Variants in TCAIM observed in about 807,000 individuals in gnomAD.
TCAIM encodes T cell activation inhibitor, mitochondrial, also known as T-cell activation inhibitor, mitochondrial.
In TCAIM, 36 loss-of-function variants were observed where a neutral mutation model predicts 58.6. The observed-to-expected ratio is 0.61, with a 90% CI of 0.47 to 0.81. The LOEUF (loss-of-function observed/expected upper bound fraction) is 0.81, where lower values mean the gene tolerates loss of function less well. Ranked by LOEUF, TCAIM falls within the 30% of genes least tolerant of loss-of-function variation. The pLI is 0.00. For synonymous variants in TCAIM, 172 were observed against 193.6 expected, an observed-to-expected ratio of 0.89 and a Z score of 0.93; for missense variants, 466 against 579.6, an observed-to-expected ratio of 0.80 and a Z score of 2.01.
intron 5 of TCAIM, among the ~76,000 whole-genome samples, chr3:44,390,376 G>C (rs985723743): frequency 2.6e-5 from 4 of 152,222 alleles, no homozygotes; most frequent in Non-Finnish European, 4.4e-5. Flanking sequence ...CCAGCACTTT[G>C]GGATGCCAAC....
intron 5 of TCAIM, among the ~76,000 whole-genome samples, chr3:44,386,954 G>A (rs9637424): frequency 0.47 from 71,920 of 151,902 alleles, 18,599 homozygotes; most frequent in East Asian, 0.8. Context: ...CCGGTTCCAG[G>A]TGAAGTCCAT....
At chr3:44,358,392 A>G in intron 3 of TCAIM, 2 of 638,428 alleles carry the variant, frequency 3.1e-6, no homozygotes, top group Non-Finnish European at 5.4e-6. Flanking sequence ...TAGAAAATAC[A>G]GTCAGTCCTT....
Position 44,408,516 on chromosome 3 carries a change from C to T in TCAIM, c.*834C>T, listed in dbSNP as rs1403132355. 1 of 152,138 alleles carries T rather than the reference C, an allele frequency of 6.6e-6. No individual in the cohort carries two copies. Among genetic ancestry groups the T allele is most frequent in the Non-Finnish European group, 1.5e-5 (1 of 68,038 alleles). The allele number at this position is 152,138 out of a possible 1,614,324, so 9.4% of individuals were successfully genotyped here. On this transcript the variant is annotated 3_prime_UTR_variant, in exon 11 of 11. Transcript: ENST00000342649. ...CATTAACAGAGAATTTAATTTTAAA[C>T]CCATAATTTCTCCTATCCATTAAAA...
chr3:44,352,923 CTT>C (rs61357631), intron 1 of TCAIM, among the ~76,000 whole-genome samples: 10 of 131,712 alleles, frequency 7.6e-5, no homozygotes, highest in Admixed American at 8.1e-5. Context: ...AGATTGACTT[CTT>C]TTTTTTTTTT....
chr3:44,397,296 C>T (rs1330490400), intron 8 of TCAIM, among the ~76,000 whole-genome samples: 3 of 152,128 alleles, frequency 2.0e-5, no homozygotes, highest in Non-Finnish European at 2.9e-5. Context: ...GTAAACACTC[C>T]CTCCCATCCC....
chr3:44,370,908 AT>A (rs56982688), intron 5 of TCAIM, among the ~76,000 whole-genome samples: 2,100 of 123,246 alleles, frequency 0.017, 50 homozygotes, highest in African/African-American at 0.054. Flanking sequence ...TACCTGGCTA[AT>A]TTTTTTTTTT....
chr3:44,367,931 C>A, intron 5 of TCAIM: 1 of 431,746 alleles, frequency 2.3e-6, no homozygotes, highest in Non-Finnish European at 4.1e-6. Context: ...CAAAATACTT[C>A]CAACTGTATT....
At chr3:44,397,780 C>T (rs189041350) in intron 8 of TCAIM, among the ~76,000 whole-genome samples, 1 of 152,250 alleles carries the variant, frequency 6.6e-6, no homozygotes, top group Admixed American at 6.5e-5. Context: ...GTGTAATTTG[C>T]ATTTCTCTAA....
intron 1 of TCAIM, among the ~76,000 whole-genome samples, chr3:44,349,737 C>T (rs530087519): frequency 2.6e-5 from 4 of 152,040 alleles, no homozygotes; most frequent in African/African-American, 4.8e-5. Flanking sequence ...GGATAAAACA[C>T]GTCTCCTCTG....
intron 6 of TCAIM, among the ~76,000 whole-genome samples, chr3:44,396,138 A>C (rs1037113310): frequency 9.2e-5 from 14 of 152,268 alleles, no homozygotes; most frequent in Middle Eastern, 3.2e-3. Flanking sequence ...AAATAGAAAC[A>C]TCTTATATTT....
intron 9 of TCAIM, chr3:44,400,965 G>A (rs756865210): frequency 1.9e-5 from 10 of 532,178 alleles, no homozygotes; most frequent in Non-Finnish European, 2.6e-5. Flanking sequence ...TCACTGTGCA[G>A]CAGGTCACCC....
chr3:44,345,154 G>A (rs149770410), intron 1 of TCAIM, among the ~76,000 whole-genome samples: 1,719 of 152,248 alleles, frequency 0.011, 30 homozygotes, highest in African/African-American at 0.037. Context: ...CAGGATTGGG[G>A]CGGCGTGGGA....
chr3:44,400,915 C>G (rs893108697), intron 9 of TCAIM: 10 of 483,748 alleles, frequency 2.1e-5, no homozygotes, highest in African/African-American at 1.7e-4. Context: ...GAGCACTGTG[C>G]TGGGTACTTA....
At chr3:44,362,409 C>T (rs1444606234) in intron 4 of TCAIM, 5 of 400,756 alleles carry the variant, frequency 1.2e-5, no homozygotes, top group East Asian at 1.1e-4. Context: ...TCACCCTCCC[C>T]CGGCTCTCAG....
chr3:44,381,733 C>CTTA (rs1490329759), intron 5 of TCAIM, among the ~76,000 whole-genome samples: 1 of 152,130 alleles, frequency 6.6e-6, no homozygotes, highest in African/African-American at 2.4e-5. Flanking sequence ...ATAGAAAACT[C>CTTA]TGCAGATTCC....
At chr3:44,384,723 A>C (rs1297152037) in intron 5 of TCAIM, among the ~76,000 whole-genome samples, 1 of 152,160 alleles carries the variant, frequency 6.6e-6, no homozygotes, top group Non-Finnish European at 1.5e-5. Context: ...TTTTCTCTAG[A>C]CTATTGGAAT....
chr3:44,378,683 T>C (rs1383422091), intron 5 of TCAIM, among the ~76,000 whole-genome samples: 2 of 151,528 alleles, frequency 1.3e-5, no homozygotes, highest in Non-Finnish European at 2.9e-5. Flanking sequence ...TGGTGGCAGG[T>C]GCCTGTAATC....
intron 1 of TCAIM, among the ~76,000 whole-genome samples, chr3:44,346,083 A>C (rs866271718): frequency 1.7e-4 from 26 of 152,280 alleles, no homozygotes; most frequent in Middle Eastern, 6.8e-3. Context: ...ACAGGCCCGA[A>C]TTCTGAGAAG....
At chr3:44,356,290 G>A (rs1701188900) in intron 2 of TCAIM, among the ~76,000 whole-genome samples, 1 of 152,238 alleles carries the variant, frequency 6.6e-6, no homozygotes, top group Admixed American at 6.5e-5. Context: ...ACTTTGGGAG[G>A]CCGAGGCGGG....
Sources: gnomAD v4.1 joint callset for allele counts (sites outside exome capture counted in the v4.1 genomes callset) on GRCh38, gnomAD v4.1.1 for gene constraint, MANE v1.5 for transcripts, NCBI Gene and HGNC (gene_info 2026-07-23, HGNC 2026-07-21) for gene names.